Variants in CREB3L2 observed in about 807,000 individuals in gnomAD.
CREB3L2 encodes the protein cyclic AMP-responsive element-binding protein 3-like protein 2.
CREB3L2 carries 23 observed loss-of-function variants against 57.2 expected under a neutral mutation model. The observed-to-expected ratio is 0.40, with a 90% CI of 0.29 to 0.57. The LOEUF (loss-of-function observed/expected upper bound fraction) is 0.57. CREB3L2 is among the 20% of genes least tolerant of loss of function. The pLI, the probability that CREB3L2 is intolerant of heterozygous loss-of-function variation, is 0.42. For synonymous variants in CREB3L2, 268 were observed against 265.1 expected (o/e 1.01, Z -0.11); for missense variants, 628 against 634.7 (o/e 0.99, Z 0.11).
At chr7:137,931,268 A>C (rs536937494) in intron 1 of CREB3L2, among the ~76,000 whole-genome samples, 1 of 152,144 alleles carries the variant, frequency 6.6e-6, no homozygotes, top group East Asian at 1.9e-4. Flanking sequence ...CACGCCTGTA[A>C]TCCCAGCACT....
intron 8 of CREB3L2, among the ~76,000 whole-genome samples, chr7:137,889,860 A>G (rs962900536): frequency 2.6e-5 from 4 of 152,236 alleles, no homozygotes; most frequent in Non-Finnish European, 5.9e-5. Flanking sequence ...CAAGAACTAC[A>G]TACGCTAAAA....
intron 1 of CREB3L2, among the ~76,000 whole-genome samples, chr7:137,968,515 G>A (rs924610938): frequency 1.3e-5 from 2 of 152,152 alleles, no homozygotes; most frequent in African/African-American, 2.4e-5. Flanking sequence ...CTAGCTTCAT[G>A]CATGTCCCTG....
chr7:137,972,784 A>C (rs1801541004), intron 1 of CREB3L2, among the ~76,000 whole-genome samples: 1 of 137,980 alleles, frequency 7.2e-6, no homozygotes, highest in Admixed American at 7.3e-5. Context: ...AGAAAAAGAA[A>C]AACCTAGGAT....
At chr7:137,884,068 C>G (rs574021767) in intron 10 of CREB3L2, among the ~76,000 whole-genome samples, 6 of 152,178 alleles carry the variant, frequency 3.9e-5, no homozygotes, top group Non-Finnish European at 7.3e-5. Flanking sequence ...TGCAGTGGCA[C>G]GATCTCGGCT....
chr7:137,911,821 G>C (rs754589883), intron 4 of CREB3L2, among the ~76,000 whole-genome samples: 5 of 152,106 alleles, frequency 3.3e-5, no homozygotes, highest in Non-Finnish European at 7.4e-5. Flanking sequence ...CTGAGCAACA[G>C]AGTAAGACCC....
intron 9 of CREB3L2, 85 bp from the exon 10 acceptor site, chr7:137,885,206 A>G: frequency 1.3e-6 from 2 of 1,491,658 alleles, no homozygotes; most frequent in Admixed American, 3.8e-5. Flanking sequence ...CCAGGGACAC[A>G]GACTCTCCTC....
At chr7:137,888,511 G>A (rs568731727) in intron 8 of CREB3L2, among the ~76,000 whole-genome samples, 1 of 152,084 alleles carries the variant, frequency 6.6e-6, no homozygotes, top group South Asian at 2.1e-4. Context: ...CATTCTCACA[G>A]CGAGATTTCA....
At position 137,903,883 on chromosome 7, in the gene CREB3L2, C is replaced by T. The variant is rs897947795; in HGVS notation, c.974+76G>A. ...GCCAGAAAGAGGAATTGAACTGCTT[C>T]TCCCCGATTCTCCGCACACCCATAT... On this transcript the variant is annotated intron_variant, in intron 7 of 11. Transcript: ENST00000330387. 2.6e-5 allele frequency: 33 copies of T among 1,256,662 alleles called. No homozygotes were observed. The African/African-American group carries it at 4.7e-4, about 18-fold the overall frequency. 77.8% of individuals were successfully genotyped at this position (1,256,662 alleles called of 1,614,324 possible).
intron 1 of CREB3L2, among the ~76,000 whole-genome samples, chr7:137,945,849 G>A (rs1458363966): frequency 6.6e-6 from 1 of 152,104 alleles, no homozygotes; most frequent in Non-Finnish European, 1.5e-5. Context: ...TTGCCCTATC[G>A]AAACACTTTT....
At chr7:137,986,004 G>GA (rs796153199) in intron 1 of CREB3L2, among the ~76,000 whole-genome samples, 27 of 151,008 alleles carry the variant, frequency 1.8e-4, no homozygotes, top group African/African-American at 4.4e-4. Context: ...AACTATTGGA[G>GA]AAAAAAAAAT....
intron 1 of CREB3L2, among the ~76,000 whole-genome samples, chr7:137,951,977 G>T (rs1192395428): frequency 6.6e-6 from 1 of 152,186 alleles, no homozygotes; most frequent in Non-Finnish European, 1.5e-5. Flanking sequence ...GTGACAGAGT[G>T]AGACCTAGTC....
At chr7:137,975,219 C>T (rs1585670771) in intron 1 of CREB3L2, among the ~76,000 whole-genome samples, 1 of 152,304 alleles carries the variant, frequency 6.6e-6, no homozygotes, top group East Asian at 1.9e-4. Context: ...ATCAGTTGTA[C>T]AGAACTCAGG....
chr7:137,944,667 T>C (rs17169455), intron 1 of CREB3L2, among the ~76,000 whole-genome samples: 6,863 of 152,284 alleles, frequency 0.045, 458 homozygotes, highest in African/African-American at 0.15. Flanking sequence ...TAAGTGGCTA[T>C]GAAAACAAAC....
At position 137,903,486 on chromosome 7, in the gene CREB3L2, C is replaced by CA. The variant is rs540418348; in HGVS notation, c.974+472dup. Among the ~76,000 whole-genome samples the CA allele has an allele frequency of 7.4e-3, 991 of 133,690 alleles. 3 individuals carry two copies. Among genetic ancestry groups the CA allele is most frequent in the African/African-American group, 0.015 (571 of 37,212 alleles). 87.7% of individuals were successfully genotyped at this position (133,690 alleles called of 152,430 possible). A position where few individuals can be genotyped will look rare whatever the true frequency, so the allele number is the denominator to read the frequency against. On this transcript the variant is annotated intron_variant, in intron 7 of 11. Transcript: ENST00000330387. ...CAAAGATTGCCTTCAAGTGTTTTTGCAAAAAAAAAAAAACATGAATTGTAG... is the reference window on the plus strand; with the variant it reads ...CAAAGATTGCCTTCAAGTGTTTTTGCAAAAAAAAAAAAAACATGAATTGTAG...
At chr7:137,928,890 G>A (rs1800543265) in intron 1 of CREB3L2, among the ~76,000 whole-genome samples, 1 of 152,202 alleles carries the variant, frequency 6.6e-6, no homozygotes, top group Admixed American at 6.5e-5. Context: ...AGGAATGGCA[G>A]AGTCACAATG....
chr7:137,983,544 G>C (rs1017258594), intron 1 of CREB3L2, among the ~76,000 whole-genome samples: 50 of 152,230 alleles, frequency 3.3e-4, no homozygotes, highest in Non-Finnish European at 4.6e-4. Context: ...GGCAGGTGTT[G>C]TTAAATTGCT....
rs963359311 is a variant in CREB3L2 at position 137,913,162 on chromosome 7, T to A, written c.496-84A>T. ...GCAGGAGAGCTATTTGTCACCTGTG[T>A]CTTCCTCTCGGGACAGCCCTGCCTA... On this transcript the variant is annotated intron_variant, in intron 3 of 11. Coordinates refer to ENST00000330387, the MANE Select transcript of CREB3L2 (RefSeq NM_194071.4). 2.9e-6 allele frequency: 4 copies of A among 1,396,618 alleles called. No homozygotes were observed. The African/African-American group carries it at 5.7e-5, about 20-fold the overall frequency. The allele number at this position is 1,396,618 out of a possible 1,614,324, so 86.5% of individuals were successfully genotyped here.
At chr7:137,899,840 C>T (rs746239700) in intron 8 of CREB3L2, among the ~76,000 whole-genome samples, 2 of 152,164 alleles carry the variant, frequency 1.3e-5, no homozygotes, top group Non-Finnish European at 2.9e-5. Flanking sequence ...TTTTGAGCAA[C>T]AAACCATGAA....
chr7:137,922,382 A>ACG (rs1554497988), intron 2 of CREB3L2, among the ~76,000 whole-genome samples: 30 of 102,752 alleles, frequency 2.9e-4, no homozygotes, highest in Middle Eastern at 4.3e-3. Context: ...ATATATATAT[A>ACG]TGTATATATA....
Sources: gnomAD v4.1 joint callset for allele counts (sites outside exome capture counted in the v4.1 genomes callset) on GRCh38, gnomAD v4.1.1 for gene constraint, MANE v1.5 for transcripts, NCBI Gene and HGNC (gene_info 2026-07-23, HGNC 2026-07-21) for gene names.